STK32B: variants seen among roughly 807,000 people sequenced by gnomAD.
STK32B encodes serine/threonine kinase 32B.
In STK32B, 43 loss-of-function variants were observed where a neutral mutation model predicts 52.6. The ratio of observed to expected loss-of-function variants is 0.82; its 90% CI spans 0.64 to 1.05. The LOEUF is 1.05. Ranked by LOEUF, STK32B falls within the 50% of genes least tolerant of loss-of-function variation. The probability of loss-of-function intolerance (pLI) is 0.00; values close to 1 mark genes in which losing one functional copy is unlikely to be tolerated. For synonymous variants in STK32B, 238 were observed against 204.3 expected (o/e 1.17, Z -1.41); for missense variants, 621 against 534.6 (o/e 1.16, Z -1.59).
At chr4:5,024,238 T>C in the STK32B span, among the ~76,000 whole-genome samples, 5 of 152,202 alleles carry the variant, frequency 3.3e-5, no homozygotes, top group South Asian at 2.1e-4. Context: ...ATAAGCTCTA[T>C]GTAAGGGAGA....
chr4:5,270,526 G>T (rs192680072), intron 3 of STK32B, among the ~76,000 whole-genome samples: 1 of 151,996 alleles, frequency 6.6e-6, no homozygotes, highest in African/African-American at 2.4e-5. Flanking sequence ...ACAGTATTTT[G>T]CATTCTTCAA....
At chr4:5,335,720 C>G (rs987437198) in intron 4 of STK32B, among the ~76,000 whole-genome samples, 2 of 151,674 alleles carry the variant, frequency 1.3e-5, no homozygotes, top group African/African-American at 2.4e-5. Context: ...TTATTTCTGC[C>G]TTCATTTCGT....
At chr4:5,383,325 C>T (rs1736048701) in intron 4 of STK32B, among the ~76,000 whole-genome samples, 1 of 152,218 alleles carries the variant, frequency 6.6e-6, no homozygotes, top group Admixed American at 6.5e-5. Flanking sequence ...CTCCTGGTTC[C>T]ACCTACCCCT....
intron 1 of STK32B, among the ~76,000 whole-genome samples, chr4:5,081,072 A>G (rs1435960263): frequency 6.6e-6 from 1 of 152,196 alleles, no homozygotes; most frequent in Admixed American, 6.5e-5. Flanking sequence ...TGTCTGGCTT[A>G]CTGCATTTAG....
chr4:5,317,866 G>A lies in STK32B; in HGVS notation c.261-13354G>A, dbSNP rs113831199. Among the ~76,000 whole-genome samples, 359 of 151,624 alleles carry A rather than the reference G, an allele frequency of 2.4e-3. 1 individual carries two copies. Among genetic ancestry groups the A allele is most frequent in the Non-Finnish European group, 2.7e-3 (185 of 67,874 alleles). ...GATAGAACTGTGAAAAATGTAGATC[G>A]GCACTTCTCAAAGTGCTGTCCCCAT... On this transcript the variant is annotated intron_variant, in intron 3 of 11. Coordinates refer to ENST00000282908, the MANE Select transcript of STK32B (RefSeq NM_018401.3).
chr4:5,372,928 A>C (rs1366907146), intron 4 of STK32B, among the ~76,000 whole-genome samples: 1 of 152,220 alleles, frequency 6.6e-6, no homozygotes, highest in African/African-American at 2.4e-5. Flanking sequence ...CCATGACCCA[A>C]ATGAGGAATC....
chr4:5,462,199 G>A (rs1717080557), intron 9 of STK32B, among the ~76,000 whole-genome samples: 1 of 151,882 alleles, frequency 6.6e-6, no homozygotes. Flanking sequence ...GCATGCCCGT[G>A]GTGTGTGTGC....
chr4:5,277,189 A>T (rs1399712482), intron 3 of STK32B, among the ~76,000 whole-genome samples: 2 of 152,234 alleles, frequency 1.3e-5, no homozygotes, highest in Admixed American at 1.3e-4. Flanking sequence ...TTTTCTGAAG[A>T]CAGTGCTGTG....
chr4:5,156,870 C>T (rs1461862503), intron 2 of STK32B, among the ~76,000 whole-genome samples: 1 of 152,110 alleles, frequency 6.6e-6, no homozygotes, highest in Non-Finnish European at 1.5e-5. Context: ...AGACTCCATA[C>T]CGCCTTATTA....
chr4:5,404,838 A>G (rs957735495), intron 5 of STK32B, among the ~76,000 whole-genome samples: 1 of 150,478 alleles, frequency 6.6e-6, no homozygotes, highest in African/African-American at 2.5e-5. Flanking sequence ...TTAAATTCAT[A>G]ACACCCCTGT....
At chr4:5,032,977 C>A in the STK32B span, among the ~76,000 whole-genome samples, 1 of 152,198 alleles carries the variant, frequency 6.6e-6, no homozygotes, top group African/African-American at 2.4e-5. Context: ...GGAGGCCACA[C>A]TTTTACCTCT....
chr4:5,449,538 T>A (rs1715784420), intron 7 of STK32B, among the ~76,000 whole-genome samples: 1 of 152,212 alleles, frequency 6.6e-6, no homozygotes, highest in Non-Finnish European at 1.5e-5. Flanking sequence ...GTTGGCAGGT[T>A]TGAGACCACA....
At chr4:5,222,532 T>C (rs1470787978) in intron 3 of STK32B, among the ~76,000 whole-genome samples, 3 of 151,996 alleles carry the variant, frequency 2.0e-5, no homozygotes, top group Non-Finnish European at 2.9e-5. Flanking sequence ...CAATGTCTTA[T>C]TGAAAACTGA....
chr4:5,295,962 TTG>T (rs970280671), intron 3 of STK32B, among the ~76,000 whole-genome samples: 2 of 152,202 alleles, frequency 1.3e-5, no homozygotes, highest in African/African-American at 4.8e-5. Context: ...TTCTGGCGTG[TTG>T]TGTCTTTCTC....
chr4:5,122,502 C>A (rs1057080602), intron 1 of STK32B, among the ~76,000 whole-genome samples: 1 of 152,106 alleles, frequency 6.6e-6, no homozygotes, highest in African/African-American at 2.4e-5. Flanking sequence ...CACATTCACT[C>A]ATTTACTCAT....
intron 1 of STK32B, among the ~76,000 whole-genome samples, chr4:5,062,955 A>G (rs947294247): frequency 1.1e-4 from 17 of 152,304 alleles, no homozygotes; most frequent in Middle Eastern, 3.4e-3. Flanking sequence ...TTACTGTTCC[A>G]TTCAGTTACT....
At chr4:5,188,032 C>A (rs557560278) in intron 3 of STK32B, among the ~76,000 whole-genome samples, 1 of 151,964 alleles carries the variant, frequency 6.6e-6, no homozygotes, top group East Asian at 1.9e-4. Context: ...CAGCTCCCTC[C>A]CTTTCATGCT....
chr4:5,096,368 C>T lies in STK32B; in HGVS notation c.53-43537C>T, dbSNP rs560626117. Among the ~76,000 whole-genome samples the T allele has an allele frequency of 9.9e-5, 15 of 152,284 alleles. No individual in the cohort carries two copies. In the South Asian group the frequency reaches 3.1e-3, roughly 32 times the overall value. ...GCATGATTGGCTGTTGGTAACGGTGCAGGAGCCAGCACGTGGTCAACATTT... is the reference window on the plus strand; with the variant it reads ...GCATGATTGGCTGTTGGTAACGGTGTAGGAGCCAGCACGTGGTCAACATTT... On this transcript the variant is annotated intron_variant, in intron 1 of 11. Transcript: ENST00000282908.
chr4:5,230,208 T>TTTTTTTTTTTTTTTTTTTTTTTTTTTG (rs58022709), intron 3 of STK32B, among the ~76,000 whole-genome samples: 3 of 103,474 alleles, frequency 2.9e-5, no homozygotes, highest in Admixed American at 1.2e-4. Flanking sequence ...TTTTTTTTTT[T>TTTTTTTTTTTTTTTTTTTTTTTTTTTG]TAGTGGAGTC....
Sources: gnomAD v4.1 joint callset for allele counts (sites outside exome capture counted in the v4.1 genomes callset) on GRCh38, gnomAD v4.1.1 for gene constraint, MANE v1.5 for transcripts, NCBI Gene and HGNC (gene_info 2026-07-23, HGNC 2026-07-21) for gene names.